Variants in CLOCK observed in about 807,000 individuals in gnomAD.
The protein encoded by CLOCK is circadian locomoter output cycles protein kaput.
In CLOCK, 43 loss-of-function variants were observed where a neutral mutation model predicts 118.4. That is an observed-to-expected ratio of 0.36 (90% CI 0.28 to 0.47). The LOEUF (loss-of-function observed/expected upper bound fraction) is 0.47. Ranked by LOEUF, CLOCK falls within the 20% of genes least tolerant of loss-of-function variation. The pLI is 1.00. For missense variants in CLOCK, 846 were observed against 999.9 expected (o/e 0.85, Z 2.08); for synonymous variants, 326 against 339.2 (o/e 0.96, Z 0.43).
At chr4:55,486,632 T>C (rs1365778786) in intron 3 of CLOCK, 1 of 152,192 alleles carries the variant, frequency 6.6e-6, no homozygotes, top group Admixed American at 6.5e-5. Context: ...ATCAACAGTT[T>C]AGTTGGATAC....
intron 2 of CLOCK, among the ~76,000 whole-genome samples, chr4:55,505,807 C>G (rs1728760860): frequency 1.1e-5 from 1 of 91,596 alleles, no homozygotes; most frequent in African/African-American, 3.2e-5. Flanking sequence ...TTCTACATAT[C>G]CTTTATCCTG....
chr4:55,488,882 G>A (rs1160076447), intron 3 of CLOCK, among the ~76,000 whole-genome samples: 3 of 152,024 alleles, frequency 2.0e-5, no homozygotes, highest in Non-Finnish European at 2.9e-5. Flanking sequence ...ACAGGCATAC[G>A]TCATCATGCC....
intron 1 of CLOCK, among the ~76,000 whole-genome samples, chr4:55,510,638 A>T: frequency 6.7e-6 from 1 of 149,676 alleles, no homozygotes; most frequent in African/African-American, 2.5e-5. Context: ...TTAAAAAAAA[A>T]AAAAAAAAAA....
chr4:55,530,161 A>C (rs1178517127), intron 1 of CLOCK, among the ~76,000 whole-genome samples: 1 of 152,202 alleles, frequency 6.6e-6, no homozygotes, highest in Non-Finnish European at 1.5e-5. Flanking sequence ...AATAACAAAA[A>C]CAATTCATAT....
chr4:55,538,316 T>C (rs547479946), intron 1 of CLOCK, among the ~76,000 whole-genome samples: 10 of 152,020 alleles, frequency 6.6e-5, no homozygotes, highest in Non-Finnish European at 1.0e-4. Flanking sequence ...AACAGACCAA[T>C]AGATGATGCC....
At chr4:55,487,132 T>C (rs1420356789) in intron 3 of CLOCK, among the ~76,000 whole-genome samples, 5 of 152,232 alleles carry the variant, frequency 3.3e-5, no homozygotes, top group Admixed American at 6.5e-5. Context: ...TCGTTCATAC[T>C]TCATGGATAT....
At chr4:55,455,096 T>C (rs1290124719) in intron 13 of CLOCK, among the ~76,000 whole-genome samples, 2 of 152,160 alleles carry the variant, frequency 1.3e-5, no homozygotes. Flanking sequence ...AACAGCAGCA[T>C]AAAACGTCAT....
intron 1 of CLOCK, among the ~76,000 whole-genome samples, chr4:55,519,352 T>C (rs1729713722): frequency 6.6e-6 from 1 of 152,242 alleles, no homozygotes; most frequent in Non-Finnish European, 1.5e-5. Flanking sequence ...CCACTGAGCC[T>C]GCAGTCCTGC....
chr4:55,475,194 C>T (rs1368761860), intron 7 of CLOCK, among the ~76,000 whole-genome samples: 1 of 152,138 alleles, frequency 6.6e-6, no homozygotes, highest in Non-Finnish European at 1.5e-5. Context: ...TTGAGGGGTT[C>T]AAGATGTCAG....
At chr4:55,519,337 G>C (rs1256662054) in intron 1 of CLOCK, among the ~76,000 whole-genome samples, 1 of 152,202 alleles carries the variant, frequency 6.6e-6, no homozygotes, top group African/African-American at 2.4e-5. Flanking sequence ...GATTGTAGGT[G>C]CAAGCCACTG....
At chr4:55,478,653 T>A (rs1726706407) in intron 6 of CLOCK, among the ~76,000 whole-genome samples, 162 bp downstream of exon 6, 1 of 152,170 alleles carries the variant, frequency 6.6e-6, no homozygotes. Flanking sequence ...ACGGAATAAA[T>A]GTTTGTTGAA....
At chr4:55,497,846 G>A (rs934549847) in intron 2 of CLOCK, among the ~76,000 whole-genome samples, 1 of 151,872 alleles carries the variant, frequency 6.6e-6, no homozygotes, top group African/African-American at 2.4e-5. Flanking sequence ...CACATATGAT[G>A]TAATTTATAT....
intron 17 of CLOCK, 133 bp downstream of exon 17, chr4:55,449,263 T>C (rs1414461345): frequency 1.3e-6 from 1 of 769,784 alleles, no homozygotes. Flanking sequence ...AAGTCTTAAG[T>C]AAGTGTCACA....
chr4:55,522,504 T>TAAA (rs77210975), intron 1 of CLOCK, among the ~76,000 whole-genome samples: 23 of 147,958 alleles, frequency 1.6e-4, no homozygotes, highest in African/African-American at 5.7e-4. Flanking sequence ...TGTTTTTTTT[T>TAAA]AAAAAAAAAA....
rs1000251264 is a variant in CLOCK, at chr4:55,468,597, A to G, written c.438+2120T>C. Among the ~76,000 whole-genome samples, 3 of 151,510 alleles carry G rather than the reference A, an allele frequency of 2.0e-5. No individual in the cohort carries two copies. The South Asian group carries it at 6.2e-4, about 31-fold the overall frequency. ...TAGCATAAAAAGTTCTGTATCTACT[A>G]TTTTTAGAGTGTTTTTTATAAGTAA... On this transcript the variant is annotated intron_variant, in intron 8 of 22. Transcript: ENST00000513440.
intron 6 of CLOCK, among the ~76,000 whole-genome samples, chr4:55,476,675 T>C (rs565483713): frequency 2.6e-5 from 4 of 152,272 alleles, no homozygotes; most frequent in African/African-American, 9.6e-5. Flanking sequence ...TGGTGAAAAA[T>C]TTGGAGATCC....
At chr4:55,456,719 C>T (rs1007790631) in intron 11 of CLOCK, among the ~76,000 whole-genome samples, 22 of 152,176 alleles carry the variant, frequency 1.4e-4, no homozygotes, top group Non-Finnish European at 2.6e-4. Flanking sequence ...CACTCTGTCA[C>T]TCAGCCTGAA....
chr4:55,516,515 A>ACG (rs1729524322), intron 1 of CLOCK, among the ~76,000 whole-genome samples: 1 of 144,666 alleles, frequency 6.9e-6, no homozygotes, highest in Non-Finnish European at 1.6e-5. Flanking sequence ...TAATATAGCT[A>ACG]TTCATGCTTT....
intron 7 of CLOCK, among the ~76,000 whole-genome samples, chr4:55,475,674 C>CA (rs1289567357): frequency 6.6e-6 from 1 of 152,098 alleles, no homozygotes; most frequent in African/African-American, 2.4e-5. Context: ...CTTCCACCAG[C>CA]AAAAAGATTA....
Sources: allele counts gnomAD v4.1 joint callset (sites outside exome capture counted in the v4.1 genomes callset), GRCh38; gene constraint gnomAD v4.1.1; transcripts MANE v1.5; gene names NCBI Gene and HGNC (gene_info 2026-07-23, HGNC 2026-07-21).